PPARA: variants seen among roughly 807,000 people sequenced by gnomAD.
PPARA encodes peroxisome proliferator-activated receptor alpha.
In PPARA, 22 loss-of-function variants were observed where a neutral mutation model predicts 42.2. The ratio of observed to expected loss-of-function variants is 0.52; its 90% CI spans 0.37 to 0.74. The LOEUF is 0.74. Among genes scored for constraint, PPARA ranks in the 30% least tolerant of loss-of-function variants. PPARA has a pLI of 0.00. For synonymous variants in PPARA, 242 were observed against 239.3 expected (o/e 1.01, Z -0.10); for missense variants, 465 against 608.2 (o/e 0.76, Z 2.48).
intron 3 of PPARA, among the ~76,000 whole-genome samples, chr22:46,181,572 T>G (rs925223742): frequency 5.3e-5 from 8 of 152,072 alleles, no homozygotes; most frequent in African/African-American, 1.9e-4. Flanking sequence ...TTGCTGGAGA[T>G]TATGGAATTA....
rs1936335569 is a variant in PPARA, at chr22:46,240,182, C to A, written c.*4802C>A. On this transcript the variant is annotated 3_prime_UTR_variant, in exon 9 of 9. Coordinates refer to ENST00000407236, the MANE Select transcript of PPARA (RefSeq NM_005036.6). The surrounding 1 kb of genome is among the most constrained non-coding windows in gnomAD (Gnocchi z 6.0). ...AGGAGAACATGCCCACAGCTCACCACCTATGGATGCCATGGCTCTGGGCAG... is the reference window on the plus strand; with the variant it reads ...AGGAGAACATGCCCACAGCTCACCAACTATGGATGCCATGGCTCTGGGCAG... The A allele has an allele frequency of 2.5e-6, 1 of 398,730 alleles. No homozygotes were observed. 24.7% of individuals were successfully genotyped at this position (398,730 alleles called of 1,614,324 possible).
Position 46,156,160 on chromosome 22 carries a change from G to A in PPARA, c.-127+4190G>A, listed in dbSNP as rs886172095. ...TGGTTGGAAATCTGGAAATATTGCT[G>A]TGTATCTGCAAAGCAGCTTGATATA... On this transcript the variant is annotated intron_variant, in intron 2 of 8. Coordinates refer to ENST00000407236, the MANE Select transcript of PPARA (RefSeq NM_005036.6). The surrounding 1 kb of genome is among the most constrained non-coding windows in gnomAD (Gnocchi z 5.2). The A allele has an allele frequency of 6.6e-6, 1 of 152,246 alleles. No homozygotes were observed. Among genetic ancestry groups the A allele is most frequent in the African/African-American group, 2.4e-5 (1 of 41,452 alleles). 9.4% of individuals were successfully genotyped at this position (152,246 alleles called of 1,614,324 possible).
At position 46,167,981 on chromosome 22, in the gene PPARA, T is replaced by G. The variant is rs1210011440; in HGVS notation, c.-126-8772T>G. Among the ~76,000 whole-genome samples the G allele has an allele frequency of 6.7e-6, 1 of 149,524 alleles. No homozygotes were observed. Among genetic ancestry groups the G allele is most frequent in the African/African-American group, 2.5e-5 (1 of 40,518 alleles). On this transcript the variant is annotated intron_variant, in intron 2 of 8. Coordinates refer to ENST00000407236, the MANE Select transcript of PPARA (RefSeq NM_005036.6). The surrounding 1 kb of genome is among the most constrained non-coding windows in gnomAD (Gnocchi z 4.1). Reference sequence around the variant, plus strand: ...CAGGAGGATCACTTGAGCCCAGGAGTTGAAGCTTGCAGTGAATTATGACCA... The same window carrying G: ...CAGGAGGATCACTTGAGCCCAGGAGGTGAAGCTTGCAGTGAATTATGACCA...
rs530006503 is a variant in PPARA, at chr22:46,173,769, C to T, written c.-126-2984C>T. Among the ~76,000 whole-genome samples the T allele has an allele frequency of 1.9e-4, 29 of 152,218 alleles. No individual in the cohort carries two copies. Among genetic ancestry groups the T allele is most frequent in the African/African-American group, 6.5e-4 (27 of 41,536 alleles). On this transcript the variant is annotated intron_variant, in intron 2 of 8. Transcript: ENST00000407236. The surrounding 1 kb of genome is among the most constrained non-coding windows in gnomAD (Gnocchi z 4.3). ...ACTGTATCTGTTAAATTAACAGAAGCGAAGTGTTCTGTGGTGTGTAGGAGC... is the reference window on the plus strand; with the variant it reads ...ACTGTATCTGTTAAATTAACAGAAGTGAAGTGTTCTGTGGTGTGTAGGAGC...
chr22:46,170,754 G>C, intron 2 of PPARA, among the ~76,000 whole-genome samples: 1 of 151,784 alleles, frequency 6.6e-6, no homozygotes, highest in East Asian at 1.9e-4. Flanking sequence ...TCAGAGGAGG[G>C]ACAAAGTCCT....
rs1255262782 is a variant in PPARA, at chr22:46,188,033, C to A, written c.-42-10309C>A. ...ATGAAAGACTTCATGGTGAGAAATA[C>A]CTAGCGAACAGCCTGGCACCAGCTA... On this transcript the variant is annotated intron_variant, in intron 3 of 8. Transcript: ENST00000407236. This position sits in a 1 kb window ranked among gnomAD's most constrained non-coding sequence, Gnocchi z 5.0. Among the ~76,000 whole-genome samples the A allele has an allele frequency of 6.6e-6, 1 of 152,192 alleles. No individual in the cohort carries two copies. The highest frequency in any genetic ancestry group is 2.4e-5 in the African/African-American group (1 of 41,452).
rs758452575 is a variant in PPARA, at chr22:46,235,250, T to A, written c.1277T>A (p.Leu426His). ...HPDDIFLFPKLLQKMADLRQL... is the reference protein window; with the variant it reads ...HPDDIFLFPKHLQKMADLRQL... ...GACGATATCTTTCTCTTCCCAAAAC[T>A]TCTTCAAAAAATGGCAGACCTCCGG... Residue 426 changes from leucine (L) to histidine (H), a missense_variant, in exon 9 of 9, where the codon CTT becomes CAT. Physicochemically the swap from Leu to His is moderately conservative, Grantham distance 99 (BLOSUM62 -3). Around this residue, in one of 2 missense-constraint regions of PPARA, gnomAD observed 313 missense variants for 469.1 expected, o/e 0.67. Coordinates refer to ENST00000407236, the MANE Select transcript of PPARA (RefSeq NM_005036.6). The surrounding 1 kb of genome is among the most constrained non-coding windows in gnomAD (Gnocchi z 7.0). 7.4e-6 allele frequency: 12 copies of A among 1,613,928 alleles called. No homozygotes were observed. The highest frequency in any genetic ancestry group is 1.0e-5 in the Non-Finnish European group (12 of 1,180,036).
chr22:46,197,516 C>T (rs1290703612), intron 3 of PPARA, among the ~76,000 whole-genome samples: 1 of 152,174 alleles, frequency 6.6e-6, no homozygotes, highest in Non-Finnish European at 1.5e-5. Flanking sequence ...GCGTGCTGAT[C>T]AAGAGACAAG....
At chr22:46,170,456 C>T (rs996216179) in intron 2 of PPARA, among the ~76,000 whole-genome samples, 1 of 143,276 alleles carries the variant, frequency 7.0e-6, no homozygotes, top group African/African-American at 2.7e-5. Context: ...GTCATATCAC[C>T]CAGGCTGGTC....
At position 46,235,533 on chromosome 22, in the gene PPARA, A is replaced by G. The variant is rs527905019; in HGVS notation, c.*153A>G. The G allele has an allele frequency of 9.0e-5, 93 of 1,029,638 alleles. No homozygotes were observed. Among genetic ancestry groups the G allele is most frequent in the Admixed American group, 1.3e-4 (6 of 46,302 alleles). The allele number at this position is 1,029,638 out of a possible 1,614,324, so 63.8% of individuals were successfully genotyped here. A position where few individuals can be genotyped will look rare whatever the true frequency, so the allele number is the denominator to read the frequency against. On this transcript the variant is annotated 3_prime_UTR_variant, in exon 9 of 9. Coordinates refer to ENST00000407236, the MANE Select transcript of PPARA (RefSeq NM_005036.6). The surrounding 1 kb of genome is among the most constrained non-coding windows in gnomAD (Gnocchi z 7.0). ...CTGTAGGTAACCGGCATATTATTCCATATCTTTGTTTTAACCAGTACTTCT... is the reference window on the plus strand; with the variant it reads ...CTGTAGGTAACCGGCATATTATTCCGTATCTTTGTTTTAACCAGTACTTCT...
In PPARA at chr22:46,204,310, C is replaced by T. The variant is rs908383591; in HGVS notation, c.208+5719C>T. Among the ~76,000 whole-genome samples, 3 of 152,348 alleles carry T rather than the reference C, an allele frequency of 2.0e-5. No individual in the cohort carries two copies. Among genetic ancestry groups the T allele is most frequent in the South Asian group, 2.1e-4 (1 of 4,830 alleles). On this transcript the variant is annotated intron_variant, in intron 4 of 8. Coordinates refer to ENST00000407236, the MANE Select transcript of PPARA (RefSeq NM_005036.6). This position sits in a 1 kb window ranked among gnomAD's most constrained non-coding sequence, Gnocchi z 5.2. Reference sequence around the variant, plus strand: ...CAAATAAAGCTGCTATGAACATTCACGTACAAGTCTCTGTACAACCCTCTG... The same window carrying T: ...CAAATAAAGCTGCTATGAACATTCATGTACAAGTCTCTGTACAACCCTCTG...
intron 2 of PPARA, chr22:46,164,277 A>C (rs984904214): frequency 2.7e-5 from 4 of 149,480 alleles, no homozygotes; most frequent in African/African-American, 9.9e-5. Flanking sequence ...TTTGAGACAG[A>C]GTTTCACTCT....
rs1934486903 is a variant in PPARA, at chr22:46,216,353, A to G, written c.369+1020A>G. ...AGCTGAGATCGAGCCATTTCACTCCAGCCTAGGCGACAAGAGTAAAACTTC... is the reference window on the plus strand; with the variant it reads ...AGCTGAGATCGAGCCATTTCACTCCGGCCTAGGCGACAAGAGTAAAACTTC... On this transcript the variant is annotated intron_variant, in intron 5 of 8. Transcript: ENST00000407236. The surrounding 1 kb of genome is among the most constrained non-coding windows in gnomAD (Gnocchi z 4.5). 6.6e-6 allele frequency among the ~76,000 whole-genome samples: 1 copy of G among 151,418 alleles called. No homozygotes were observed. The highest frequency in any genetic ancestry group is 2.1e-4 in the South Asian group (1 of 4,784).
In PPARA at chr22:46,184,834, G is replaced by A. The variant is rs528434146; in HGVS notation, c.-43+7998G>A. ...TGTGTCACTGCACTCCAGCCTACGC[G>A]ACAGAGCAAGACTCCGTCTCAAAAA... On this transcript the variant is annotated intron_variant, in intron 3 of 8. Coordinates refer to ENST00000407236, the MANE Select transcript of PPARA (RefSeq NM_005036.6). The surrounding 1 kb of genome is among the most constrained non-coding windows in gnomAD (Gnocchi z 4.4). Among the ~76,000 whole-genome samples, 33 of 152,316 alleles carry A rather than the reference G, an allele frequency of 2.2e-4. No homozygotes were observed. Among genetic ancestry groups the A allele is most frequent in the African/African-American group, 6.5e-4 (27 of 41,562 alleles).
chr22:46,234,737 G>T lies in PPARA; in HGVS notation c.1160-396G>T, dbSNP rs4253778. ...ACACTTGAAGCTTGATATCTAGTTTGGATTCAAAAGCTTCATTTCCCATAT... is the reference window on the plus strand; with the variant it reads ...ACACTTGAAGCTTGATATCTAGTTTTGATTCAAAAGCTTCATTTCCCATAT... On this transcript the variant is annotated intron_variant, in intron 8 of 8. Transcript: ENST00000407236. The surrounding 1 kb of genome is among the most constrained non-coding windows in gnomAD (Gnocchi z 5.8). Among the ~76,000 whole-genome samples, 10 of 152,052 alleles carry T rather than the reference G, an allele frequency of 6.6e-5. No individual in the cohort carries two copies. The highest frequency in any genetic ancestry group is 9.7e-5 in the African/African-American group (4 of 41,372).
chr22:46,199,581 C>T (rs973538841), intron 4 of PPARA, among the ~76,000 whole-genome samples: 2 of 152,150 alleles, frequency 1.3e-5, no homozygotes, highest in African/African-American at 4.8e-5. Context: ...GAGCTCGAGG[C>T]TGCCATGAGC....
intron 4 of PPARA, among the ~76,000 whole-genome samples, chr22:46,201,093 A>G (rs1231008320): frequency 6.6e-6 from 1 of 151,398 alleles, no homozygotes; most frequent in Non-Finnish European, 1.5e-5. Context: ...ACACACCTGT[A>G]ATGCCTGGGC....
rs1297912323 is a variant in PPARA at position 46,162,310 on chromosome 22, G to T, written c.-127+10340G>T. 5.3e-5 allele frequency among the ~76,000 whole-genome samples: 8 copies of T among 152,170 alleles called. No individual in the cohort carries two copies. The highest frequency in any genetic ancestry group is 1.9e-4 in the African/African-American group (8 of 41,434). On this transcript the variant is annotated intron_variant, in intron 2 of 8. Transcript: ENST00000407236. The surrounding 1 kb of genome is among the most constrained non-coding windows in gnomAD (Gnocchi z 6.0). ...CCATCCAATGTTTATGGGATGAGAG[G>T]TTGATAGGAGGGCATGGCCCTGACA...
rs1444580440 is a variant in PPARA, at chr22:46,232,851, A to T, written c.1159+612A>T. Among the ~76,000 whole-genome samples the T allele has an allele frequency of 6.6e-6, 1 of 150,996 alleles. No homozygotes were observed. The highest frequency in any genetic ancestry group is 1.5e-5 in the Non-Finnish European group (1 of 67,806). ...GAAAAAATTAGTCAAGTATGGTGGC[A>T]TGTACCTGTAGTCCCAGCTACTTGA... is the stretch of plus-strand genomic sequence containing the variant. On this transcript the variant is annotated intron_variant, in intron 8 of 8. Coordinates refer to ENST00000407236, the MANE Select transcript of PPARA (RefSeq NM_005036.6). The surrounding 1 kb of genome is among the most constrained non-coding windows in gnomAD (Gnocchi z 5.3).
Sources: allele counts gnomAD v4.1 joint callset (sites outside exome capture counted in the v4.1 genomes callset), GRCh38; gene constraint gnomAD v4.1.1; regional missense constraint gnomAD v4.1.1; non-coding constraint Gnocchi (gnomAD v3.1); transcripts MANE v1.5; gene names NCBI Gene and HGNC (gene_info 2026-07-23, HGNC 2026-07-21).